Variants in MTOR observed in about 807,000 individuals in gnomAD.
The protein encoded by MTOR is mechanistic target of rapamycin kinase.
In MTOR, 70 loss-of-function variants were observed where a neutral mutation model predicts 319.8. That is an observed-to-expected ratio of 0.22 (90% CI 0.18 to 0.27). The LOEUF (loss-of-function observed/expected upper bound fraction) is 0.27, where lower values mean the gene tolerates loss of function less well. Among genes scored for constraint, MTOR ranks in the 10% least tolerant of loss-of-function variants. MTOR has a pLI of 1.00. For synonymous variants in MTOR, 1,183 were observed against 1,211.4 expected (o/e 0.98, Z 0.49); for missense variants, 1,890 against 3,274.4 (o/e 0.58, Z 10.32).
At chr1:11,202,513 A>T (rs1316431435) in intron 26 of MTOR, among the ~76,000 whole-genome samples, 1 of 151,504 alleles carries the variant, frequency 6.6e-6, no homozygotes, top group Non-Finnish European at 1.5e-5. Flanking sequence ...GGTACGATGT[A>T]CACTATTATT....
At chr1:11,203,365 G>A (rs1391630786) in intron 26 of MTOR, among the ~76,000 whole-genome samples, 3 of 152,124 alleles carry the variant, frequency 2.0e-5, no homozygotes, top group Non-Finnish European at 2.9e-5. Context: ...GAAAATATAT[G>A]TACATCTATT....
intron 25 of MTOR, 72 bp from the exon 26 acceptor site, chr1:11,204,775 A>C: frequency 6.8e-7 from 1 of 1,477,974 alleles, no homozygotes; most frequent in Non-Finnish European, 9.2e-7. Flanking sequence ...TCATCTATTT[A>C]ATGATTATTC....
At chr1:11,137,009 T>A (rs1643455144) in intron 36 of MTOR, among the ~76,000 whole-genome samples, 1 of 151,532 alleles carries the variant, frequency 6.6e-6, no homozygotes, top group African/African-American at 2.4e-5. Context: ...ACCCGGCTAA[T>A]TTTTGCATTT....
chr1:11,255,462 C>T (rs745894232), intron 5 of MTOR, among the ~76,000 whole-genome samples: 3 of 148,166 alleles, frequency 2.0e-5, no homozygotes, highest in Non-Finnish European at 3.0e-5. Flanking sequence ...CTTAGTCATA[C>T]ATAAAATAAT....
rs1437903771 is a variant in MTOR, at chr1:11,109,025, C to G, written c.7528+265G>C. Among the ~76,000 whole-genome samples, 1 of 152,168 alleles carries G rather than the reference C, an allele frequency of 6.6e-6. No individual in the cohort carries two copies. The highest frequency in any genetic ancestry group is 2.4e-5 in the African/African-American group (1 of 41,438). ...AAAGACATGATTAAAAAACACTTCT[C>G]TGAATTTGGCTGATTTTGGACCCAA... On this transcript the variant is annotated intron_variant, in intron 56 of 57. Coordinates refer to ENST00000361445, the MANE Select transcript of MTOR (RefSeq NM_004958.4). This position sits in a 1 kb window ranked among gnomAD's most constrained non-coding sequence, Gnocchi z 4.0.
chr1:11,212,536 T>C lies in MTOR; in HGVS notation c.3399-62A>G, dbSNP rs188911172. ...ACAATCTCCAAGGAAGAGACGTGAC[T>C]GAGGGTGAGCTTAACAATCAGCACC... On this transcript the variant is annotated intron_variant, in intron 22 of 57. Transcript: ENST00000361445. The surrounding 1 kb of genome is among the most constrained non-coding windows in gnomAD (Gnocchi z 4.1). The C allele has an allele frequency of 1.8e-4, 277 of 1,561,724 alleles. No homozygotes were observed. Among genetic ancestry groups the C allele is most frequent in the Middle Eastern group, 1.0e-3 (5 of 4,876 alleles).
intron 28 of MTOR, among the ~76,000 whole-genome samples, chr1:11,198,509 T>C (rs1376003432): frequency 6.6e-6 from 1 of 152,176 alleles, no homozygotes; most frequent in East Asian, 1.9e-4. Context: ...TGAAGGAACT[T>C]ACTAGCCAGA....
At chr1:11,112,988 T>C in intron 53 of MTOR, 71 bp from the exon 54 acceptor site, 1 of 1,466,688 alleles carries the variant, frequency 6.8e-7, no homozygotes, top group Non-Finnish European at 9.5e-7. Context: ...GTTATTTTCT[T>C]CCAGTCATAA....
chr1:11,157,434 C>G, intron 29 of MTOR, 143 bp from the exon 30 acceptor site: 1 of 1,011,836 alleles, frequency 9.9e-7, no homozygotes, highest in South Asian at 1.9e-5. Context: ...GGATTAAAAA[C>G]AACTTCAGAC....
intron 28 of MTOR, among the ~76,000 whole-genome samples, chr1:11,176,152 T>C (rs1334757135): frequency 6.6e-6 from 1 of 152,168 alleles, no homozygotes; most frequent in African/African-American, 2.4e-5. Context: ...CTAAACGCCT[T>C]TCCTGCCACC....
At chr1:11,243,081 A>G in intron 9 of MTOR, 33 bp downstream of exon 9, 7 of 1,610,222 alleles carry the variant, frequency 4.3e-6, no homozygotes, top group Non-Finnish European at 5.9e-6. Flanking sequence ...AACCAAATGG[A>G]GTGGAAGGTG....
In MTOR at chr1:11,259,375, G is replaced by A. The variant is rs1339465839; in HGVS notation, c.35C>T (p.Ala12Val). 3.8e-6 allele frequency: 6 copies of A among 1,594,950 alleles called. No individual in the cohort carries two copies. Among genetic ancestry groups the A allele is most frequent in the Non-Finnish European group, 3.4e-6 (4 of 1,172,828 alleles). Residue 12 changes from alanine to valine, a missense_variant, in exon 2 of 58, where the codon GCT becomes GTT. Ala to Val is a moderately conservative substitution (Grantham distance 64). Around this residue, in one of 15 missense-constraint regions of MTOR, gnomAD observed 85 missense variants for 105.8 expected, o/e 0.80. Transcript: ENST00000361445. ...LGTGPAAATT[A>V]ATTSSNVSVL... Reference sequence around the variant, plus strand: ...GCTCACATTGCTAGATGTGGTGGCAGCGGTGGTGGCGGCGGCAGGTCCGGT... The same window carrying A: ...GCTCACATTGCTAGATGTGGTGGCAACGGTGGTGGCGGCGGCAGGTCCGGT...
At chr1:11,243,425 C>A in intron 8 of MTOR, 125 bp from the exon 9 acceptor site, 1 of 868,016 alleles carries the variant, frequency 1.2e-6, no homozygotes, top group South Asian at 1.8e-5. Flanking sequence ...GGCACAGTGG[C>A]TCACACCTGT....
chr1:11,234,317 A>G (rs752826108), intron 13 of MTOR, 52 bp from the exon 14 acceptor site: 2 of 1,547,834 alleles, frequency 1.3e-6, no homozygotes, highest in African/African-American at 2.7e-5. Context: ...CATTCTAGAG[A>G]GAGACTGTGT....
intron 28 of MTOR, chr1:11,193,800 G>A: frequency 6.2e-7 from 1 of 1,612,580 alleles, no homozygotes; most frequent in Non-Finnish European, 8.5e-7. Context: ...GGGGCCCCAT[G>A]ACTGGACCAG....
rs527834877 is a variant in MTOR at position 11,121,800 on chromosome 1, G to A, written c.6810+179C>T. 3.2e-4 allele frequency among the ~76,000 whole-genome samples: 49 copies of A among 152,286 alleles called. No homozygotes were observed. The highest frequency in any genetic ancestry group is 1.2e-3 in the African/African-American group (49 of 41,550). On this transcript the variant is annotated intron_variant, in intron 48 of 57. Transcript: ENST00000361445. This position sits in a 1 kb window ranked among gnomAD's most constrained non-coding sequence, Gnocchi z 4.9. ...GTGAAAACAATTTCTCAGCTTAAGGGTCCTTCAGTTTCTTACAAGCTTATC... is the reference window on the plus strand; with the variant it reads ...GTGAAAACAATTTCTCAGCTTAAGGATCCTTCAGTTTCTTACAAGCTTATC...
chr1:11,185,094 C>T (rs911468978), intron 28 of MTOR, among the ~76,000 whole-genome samples: 7 of 152,192 alleles, frequency 4.6e-5, no homozygotes, highest in African/African-American at 1.7e-4. Context: ...AGAAGGCCCT[C>T]CTTGTCCTCT....
chr1:11,226,483 C>G (rs1646842184), intron 19 of MTOR: 2 of 152,156 alleles, frequency 1.3e-5, no homozygotes, highest in East Asian at 3.8e-4. Flanking sequence ...TTTCCACTAT[C>G]ACTGCATCTA....
chr1:11,182,662 C>CTCT (rs1354028825), intron 28 of MTOR, among the ~76,000 whole-genome samples: 5 of 152,318 alleles, frequency 3.3e-5, no homozygotes, highest in Admixed American at 6.5e-5. Flanking sequence ...CACTGCTCCC[C>CTCT]TCTGTGTCCC....
Sources: allele counts gnomAD v4.1 joint callset (sites outside exome capture counted in the v4.1 genomes callset), GRCh38; gene constraint gnomAD v4.1.1; regional missense constraint gnomAD v4.1.1; non-coding constraint Gnocchi (gnomAD v3.1); transcripts MANE v1.5; gene names NCBI Gene and HGNC (gene_info 2026-07-23, HGNC 2026-07-21).